APPL2: variants seen among roughly 807,000 people sequenced by gnomAD.
APPL2 encodes the protein adaptor protein, phosphotyrosine interacting with PH domain and leucine zipper 2.
APPL2 carries 84 observed loss-of-function variants against 92.7 expected under a neutral mutation model. That is an observed-to-expected ratio of 0.91 (90% CI 0.76 to 1.09). The LOEUF (loss-of-function observed/expected upper bound fraction) is 1.09, where lower values mean the gene tolerates loss of function less well. APPL2 is among the 50% of genes least tolerant of loss of function. The pLI, the probability that APPL2 is intolerant of heterozygous loss-of-function variation, is 0.00. For synonymous variants in APPL2, 291 were observed against 291.0 expected, an observed-to-expected ratio of 1.00 and a Z score of 0.00; for missense variants, 736 against 824.5, an observed-to-expected ratio of 0.89 and a Z score of 1.31.
At chr12:105,228,309 T>C (rs1308056553) in intron 2 of APPL2, among the ~76,000 whole-genome samples, 1 of 152,234 alleles carries the variant, frequency 6.6e-6, no homozygotes, top group East Asian at 1.9e-4. Context: ...AATGCTCCAA[T>C]GAGCATTTCG....
chr12:105,174,260 C>A lies in APPL2; in HGVS notation c.*54G>T. The A allele has an allele frequency of 6.3e-7, 1 of 1,597,304 alleles. No individual in the cohort carries two copies. Among genetic ancestry groups the A allele is most frequent in the Non-Finnish European group, 8.5e-7 (1 of 1,172,128 alleles). On this transcript the variant is annotated 3_prime_UTR_variant, in exon 21 of 21. Coordinates refer to ENST00000258530, the MANE Select transcript of APPL2 (RefSeq NM_018171.5). ...GCCTGTATGTCAGAGACGTTAAAAC[C>A]CTTAGGAGGTAGCTCTCCTTCCTGT...
chr12:105,217,196 C>A (rs181020974), intron 3 of APPL2, 56 bp from the exon 4 acceptor site: 14 of 1,212,138 alleles, frequency 1.2e-5, no homozygotes, highest in Non-Finnish European at 1.6e-5. Flanking sequence ...GAATTCAGCA[C>A]GAAGCATCAC....
chr12:105,229,758 A>G, intron 1 of APPL2: 1 of 987,448 alleles, frequency 1.0e-6, no homozygotes, highest in Non-Finnish European at 1.2e-6. Context: ...TGGTACTACG[A>G]TTTCCTTGTT....
At chr12:105,216,803 T>C (rs760569191) in intron 4 of APPL2, among the ~76,000 whole-genome samples, 23 of 152,262 alleles carry the variant, frequency 1.5e-4, no homozygotes, top group Non-Finnish European at 3.2e-4. Flanking sequence ...GAGAAACTAA[T>C]ATACTCTCCT....
Position 105,174,398 on chromosome 12 carries a change from G to T in APPL2, c.1911C>A (p.Asp637Glu), listed in dbSNP as rs935240. Residue 637 changes from aspartate (D) to glutamate (E), a missense_variant, in exon 21 of 21, where the codon GAC becomes GAA. Coordinates refer to ENST00000258530, the MANE Select transcript of APPL2 (RefSeq NM_018171.5). ...QLMLSIPLTN[D>E]GKYVLLNDQP... ...GATCGTTTAACAGTACATATTTTCC[G>T]TCATTGGTTAGTGGTATGGACAGCA... 2 of 1,613,962 alleles carry T rather than the reference G, an allele frequency of 1.2e-6. No homozygotes were observed. Among genetic ancestry groups the T allele is most frequent in the Middle Eastern group, 1.6e-4 (1 of 6,062 alleles).
intron 2 of APPL2, among the ~76,000 whole-genome samples, chr12:105,220,480 C>T (rs1890014792): frequency 6.6e-6 from 1 of 152,198 alleles, no homozygotes; most frequent in South Asian, 2.1e-4. Flanking sequence ...CATTCTTTTG[C>T]CACACCCTCT....
intron 2 of APPL2, among the ~76,000 whole-genome samples, chr12:105,225,825 T>C (rs1430329826): frequency 6.6e-6 from 1 of 152,258 alleles, no homozygotes; most frequent in Non-Finnish European, 1.5e-5. Flanking sequence ...AGTTTTCCTC[T>C]AGTTTTTCTT....
At chr12:105,214,324 G>A (rs935994614) in intron 4 of APPL2, among the ~76,000 whole-genome samples, 1 of 152,172 alleles carries the variant, frequency 6.6e-6, no homozygotes, top group African/African-American at 2.4e-5. Flanking sequence ...CTGGGGTTTC[G>A]ACAACTAACC....
rs533011955 is a variant in APPL2, at chr12:105,183,011, CTTCT to C, written c.1634+5258_1634+5261del. On this transcript the variant is annotated intron_variant, in intron 17 of 20. Coordinates refer to ENST00000258530, the MANE Select transcript of APPL2 (RefSeq NM_018171.5). ...GATCCCTTTACCACTATGTAATGCC[CTTCT>C]TTGTCTTTTTTGATTTCAAGTCCGT... is the stretch of plus-strand genomic sequence containing the variant. Among the ~76,000 whole-genome samples, 78 of 150,718 alleles carry C rather than the reference CTTCT, an allele frequency of 5.2e-4. 1 individual carries two copies. The highest frequency in any genetic ancestry group is 3.8e-3 in the South Asian group (18 of 4,770).
intron 1 of APPL2, among the ~76,000 whole-genome samples, chr12:105,232,355 ACC>A (rs1261248443): frequency 6.6e-6 from 1 of 152,198 alleles, no homozygotes; most frequent in Non-Finnish European, 1.5e-5. Flanking sequence ...ACTGGGTATT[ACC>A]TAATAAAACA....
chr12:105,186,651 GATATCATAT>G (rs1566056239), intron 17 of APPL2, among the ~76,000 whole-genome samples: 2 of 83,922 alleles, frequency 2.4e-5, no homozygotes, highest in African/African-American at 9.5e-5. Context: ...ATATGATATC[GATATCATAT>G]ATATCATATA....
chr12:105,234,900 C>G lies in APPL2; in HGVS notation c.54+1059G>C, dbSNP rs74647302. 5.3e-3 allele frequency among the ~76,000 whole-genome samples: 794 copies of G among 150,304 alleles called. 7 individuals carry two copies. The highest frequency in any genetic ancestry group is 0.019 in the African/African-American group (760 of 40,446). ...GCTTCCAGTTCCTTACTTATCTACA[C>G]TAGGAGGATCACAAAAAATGAACAA... On this transcript the variant is annotated intron_variant, in intron 1 of 20. Transcript: ENST00000258530.
At chr12:105,233,092 G>A (rs1326110551) in intron 1 of APPL2, 2 of 985,314 alleles carry the variant, frequency 2.0e-6, no homozygotes, top group African/African-American at 1.7e-5. Context: ...ACTACTTACA[G>A]GACAAGAGAA....
chr12:105,231,605 TCAG>T (rs925587029), intron 1 of APPL2, among the ~76,000 whole-genome samples: 1 of 152,304 alleles, frequency 6.6e-6, no homozygotes. Flanking sequence ...GTGGCTCTCA[TCAG>T]CGAGCATGAT....
chr12:105,233,351 C>T, intron 1 of APPL2: 2 of 985,468 alleles, frequency 2.0e-6, no homozygotes, highest in Non-Finnish European at 2.4e-6. Flanking sequence ...CAGCTTCCCA[C>T]ATATGAGAGG....
chr12:105,175,112 G>T (rs1030798755), intron 20 of APPL2, among the ~76,000 whole-genome samples: 15 of 152,176 alleles, frequency 9.9e-5, no homozygotes, highest in African/African-American at 3.6e-4. Context: ...TTGAACTCCT[G>T]ACCTCAGGTG....
At chr12:105,199,716 T>C (rs963000426) in intron 9 of APPL2, among the ~76,000 whole-genome samples, 185 bp from the exon 10 acceptor site, 3 of 152,196 alleles carry the variant, frequency 2.0e-5, no homozygotes, top group African/African-American at 7.2e-5. Flanking sequence ...AGGGACTCAA[T>C]TTTGCAGTAG....
chr12:105,200,860 G>GTATCTATCTATCTATC (rs1317631288), intron 9 of APPL2, among the ~76,000 whole-genome samples: 3 of 112,490 alleles, frequency 2.7e-5, no homozygotes, highest in African/African-American at 3.7e-5. Flanking sequence ...ATGTATGTAT[G>GTATCTATCTATCTATC]TATGTATCTA....
chr12:105,202,435 G>C (rs934969950), intron 9 of APPL2, among the ~76,000 whole-genome samples: 2 of 152,176 alleles, frequency 1.3e-5, no homozygotes. Flanking sequence ...CAAATGTCCT[G>C]CTACCCATTC....
Sources: allele counts gnomAD v4.1 joint callset (sites outside exome capture counted in the v4.1 genomes callset), GRCh38; gene constraint gnomAD v4.1.1; transcripts MANE v1.5; gene names NCBI Gene and HGNC (gene_info 2026-07-23, HGNC 2026-07-21).